MYO16: variants seen among roughly 807,000 people sequenced by gnomAD.
MYO16 encodes unconventional myosin-XVI.
MYO16 carries 94 observed loss-of-function variants against 205.3 expected under a neutral mutation model. The ratio of observed to expected loss-of-function variants is 0.46; its 90% confidence interval spans 0.39 to 0.54. MYO16 has a LOEUF of 0.54. Ranked by LOEUF, MYO16 falls within the 20% of genes least tolerant of loss-of-function variation. The pLI is 0.00. For missense variants in MYO16, 2,315 were observed against 2,387.5 expected (o/e 0.97, Z 0.63); for synonymous variants, 988 against 954.0 (o/e 1.04, Z -0.66).
At chr13:108,928,713 A>G (rs1882119743) in intron 16 of MYO16, among the ~76,000 whole-genome samples, 1 of 152,242 alleles carries the variant, frequency 6.6e-6, no homozygotes, top group Admixed American at 6.5e-5. Context: ...TAGAAAGGGA[A>G]TGGACCTAAA....
At chr13:109,091,335 C>T (rs1888616092) in intron 27 of MYO16, among the ~76,000 whole-genome samples, 1 of 152,188 alleles carries the variant, frequency 6.6e-6, no homozygotes, top group Admixed American at 6.6e-5. Context: ...AGAATGTAGA[C>T]ATTGTGTGTA....
At chr13:108,536,744 T>A in the MYO16 span, among the ~76,000 whole-genome samples, 1 of 152,110 alleles carries the variant, frequency 6.6e-6, no homozygotes, top group Admixed American at 6.6e-5. Context: ...CTTTTCTGTG[T>A]GAGAAATAAG....
chr13:109,077,218 C>T (rs911006149), intron 27 of MYO16, among the ~76,000 whole-genome samples: 4 of 152,034 alleles, frequency 2.6e-5, no homozygotes, highest in African/African-American at 4.8e-5. Context: ...CGGGATTTTG[C>T]GATGTTGGCC....
At chr13:108,852,222 C>T (rs917712402) in intron 10 of MYO16, among the ~76,000 whole-genome samples, 2 of 152,204 alleles carry the variant, frequency 1.3e-5, no homozygotes, top group African/African-American at 4.8e-5. Context: ...CCTAACTTCT[C>T]CCCCCAGCCC....
chr13:109,023,703 G>GCAAA (rs1566468380), intron 23 of MYO16, among the ~76,000 whole-genome samples: 2 of 119,820 alleles, frequency 1.7e-5, no homozygotes, highest in South Asian at 2.7e-4. Flanking sequence ...ATGTATATAT[G>GCAAA]TATATATACA....
chr13:108,795,067 A>G (rs1163600725), intron 6 of MYO16, among the ~76,000 whole-genome samples: 2 of 152,118 alleles, frequency 1.3e-5, no homozygotes, highest in Non-Finnish European at 2.9e-5. Context: ...CTTATGACTT[A>G]GAGTTACGTT....
At chr13:108,992,567 T>C (rs186671361) in intron 21 of MYO16, 119 bp downstream of exon 21, 637 of 595,726 alleles carry the variant, frequency 1.1e-3, no homozygotes, top group Admixed American at 1.4e-3. Context: ...ATAAGTACTC[T>C]AATGTTTTAA....
At chr13:108,830,325 G>C (rs1377991373) in intron 9 of MYO16, among the ~76,000 whole-genome samples, 1 of 128,652 alleles carries the variant, frequency 7.8e-6, no homozygotes, top group African/African-American at 2.8e-5. Flanking sequence ...GTTTATTGTG[G>C]CACTATTCAC....
At chr13:108,894,326 T>C (rs1177420188) in intron 14 of MYO16, among the ~76,000 whole-genome samples, 14 of 152,152 alleles carry the variant, frequency 9.2e-5, no homozygotes, top group Admixed American at 7.9e-4. Flanking sequence ...GTGGTCTTCA[T>C]TGTAGTATTG....
intron 34 of MYO16, among the ~76,000 whole-genome samples, chr13:109,189,526 AC>A (rs1879823416): frequency 6.6e-6 from 1 of 152,208 alleles, no homozygotes; most frequent in Non-Finnish European, 1.5e-5. Flanking sequence ...TAATATATGA[AC>A]ATCTAATTTC....
intron 4 of MYO16, among the ~76,000 whole-genome samples, chr13:108,767,622 T>G (rs917770980): frequency 1.3e-5 from 2 of 152,082 alleles, no homozygotes; most frequent in Non-Finnish European, 2.9e-5. Flanking sequence ...ATTATGTTAT[T>G]TCCCCATTGC....
chr13:108,729,802 A>G (rs959048474), intron 4 of MYO16, among the ~76,000 whole-genome samples: 2 of 147,744 alleles, frequency 1.4e-5, no homozygotes, highest in Non-Finnish European at 2.9e-5. Context: ...TTCTGAATGT[A>G]GCAGTTTCTT....
At chr13:109,156,985 G>A (rs11616311) in intron 32 of MYO16, among the ~76,000 whole-genome samples, 30,827 of 151,940 alleles carry the variant, frequency 0.2, 3,845 homozygotes, top group Middle Eastern at 0.3. Flanking sequence ...TCAGGCCTGC[G>A]GCTGTCACTT....
At chr13:108,674,058 A>C (rs925678867) in intron 2 of MYO16, among the ~76,000 whole-genome samples, 2 of 152,214 alleles carry the variant, frequency 1.3e-5, no homozygotes, top group African/African-American at 2.4e-5. Context: ...GTCGATGATC[A>C]ATATACATTG....
In MYO16 at chr13:108,886,022, C is replaced by G. The variant is rs533363787; in HGVS notation, c.1554-2350C>G. On this transcript the variant is annotated intron_variant, in intron 13 of 34. Coordinates refer to ENST00000457511, the MANE Select transcript of MYO16 (RefSeq NM_001198950.3). ...TTGATATGGAGTCTTGAGTCTCGCTCTGTCGCCCAGGCTGGAGTGCAGTGG... is the reference window on the plus strand; with the variant it reads ...TTGATATGGAGTCTTGAGTCTCGCTGTGTCGCCCAGGCTGGAGTGCAGTGG... Among the ~76,000 whole-genome samples the G allele has an allele frequency of 1.1e-3, 170 of 152,068 alleles. 2 individuals carry two copies. The highest frequency in any genetic ancestry group is 4.2e-4 in the South Asian group (2 of 4,814).
At chr13:109,178,307 C>T (rs571727311) in intron 33 of MYO16, among the ~76,000 whole-genome samples, 13 of 152,230 alleles carry the variant, frequency 8.5e-5, no homozygotes, top group African/African-American at 3.1e-4. Context: ...ACCCACTAGC[C>T]ATTGTCCGCC....
chr13:109,061,155 G>A (rs1887581092), intron 27 of MYO16, among the ~76,000 whole-genome samples: 1 of 152,082 alleles, frequency 6.6e-6, no homozygotes, highest in African/African-American at 2.4e-5. Context: ...GCCTTTCTCT[G>A]GATTAGGCTT....
chr13:108,806,305 C>T (rs1485518140), intron 6 of MYO16, among the ~76,000 whole-genome samples: 1 of 152,006 alleles, frequency 6.6e-6, no homozygotes, highest in Admixed American at 6.6e-5. Context: ...TAATACAATG[C>T]CTGGAATATA....
chr13:109,008,894 C>T lies in MYO16; in HGVS notation c.2443-3C>T. On this transcript the variant is annotated splice_polypyrimidine_tract_variant and splice_region_variant and intron_variant, in intron 21 of 34. Coordinates refer to ENST00000457511, the MANE Select transcript of MYO16 (RefSeq NM_001198950.3). ...AAATGTTTTCTTGTTTTCTCCACAA[C>T]AGCTTTGTGTCAACATGACCAATGA... 6.2e-7 allele frequency: 1 copy of T among 1,611,948 alleles called. No individual in the cohort carries two copies. Among genetic ancestry groups the T allele is most frequent in the Middle Eastern group, 1.7e-4 (1 of 6,054 alleles).
Sources: gnomAD v4.1 joint callset for allele counts (sites outside exome capture counted in the v4.1 genomes callset) on GRCh38, gnomAD v4.1.1 for gene constraint, MANE v1.5 for transcripts, NCBI Gene and HGNC (gene_info 2026-07-23, HGNC 2026-07-21) for gene names.